The following BCAS1 variants were observed in gnomAD, a reference collection of about 807,000 sequenced individuals.
The protein encoded by BCAS1 is breast carcinoma-amplified sequence 1.
In BCAS1, 46 loss-of-function variants were observed where a neutral mutation model predicts 65.4. The ratio of observed to expected loss-of-function variants is 0.70; its 90% CI spans 0.55 to 0.90. BCAS1 has a LOEUF of 0.90. BCAS1 is among the 40% of genes least tolerant of loss of function. The pLI, the probability that BCAS1 is intolerant of heterozygous loss-of-function variation, is 0.00. For missense variants in BCAS1, 793 were observed against 771.2 expected (o/e 1.03, Z -0.33); for synonymous variants, 298 against 293.5 (o/e 1.02, Z -0.16).
intron 3 of BCAS1, among the ~76,000 whole-genome samples, chr20:54,042,082 G>C (rs1462577140): frequency 6.6e-6 from 1 of 151,936 alleles, no homozygotes; most frequent in Non-Finnish European, 1.5e-5. Flanking sequence ...ATTGCATAGG[G>C]GTACAAAGGC....
chr20:54,051,320 C>A (rs543168979), intron 3 of BCAS1, among the ~76,000 whole-genome samples: 13 of 152,110 alleles, frequency 8.5e-5, no homozygotes, highest in East Asian at 1.9e-4. Context: ...GATCTCTGTA[C>A]GCAACAGGAG....
chr20:54,025,646 A>T (rs1168159244), intron 4 of BCAS1, among the ~76,000 whole-genome samples: 1 of 152,144 alleles, frequency 6.6e-6, no homozygotes, highest in Non-Finnish European at 1.5e-5. Context: ...AGCCATAAAA[A>T]TGGGGGGAAG....
At chr20:54,021,215 GA>G (rs2146035430) in intron 4 of BCAS1, among the ~76,000 whole-genome samples, 1 of 152,074 alleles carries the variant, frequency 6.6e-6, no homozygotes, top group African/African-American at 2.4e-5. Flanking sequence ...TAAATTTTAG[GA>G]AACTCCTTTC....
At chr20:54,001,623 C>T (rs2091056230) in intron 4 of BCAS1, among the ~76,000 whole-genome samples, 1 of 152,126 alleles carries the variant, frequency 6.6e-6, no homozygotes, top group East Asian at 1.9e-4. Flanking sequence ...TCTCTGATGT[C>T]CTATGATTCT....
At chr20:54,050,942 T>A (rs1307562200) in intron 3 of BCAS1, among the ~76,000 whole-genome samples, 1 of 152,194 alleles carries the variant, frequency 6.6e-6, no homozygotes, top group Non-Finnish European at 1.5e-5. Context: ...AGAAACAAAC[T>A]AGAAAACAAC....
At chr20:54,050,884 T>G (rs1473730085) in intron 3 of BCAS1, among the ~76,000 whole-genome samples, 3 of 152,174 alleles carry the variant, frequency 2.0e-5, no homozygotes, top group African/African-American at 7.2e-5. Context: ...CAGAGCTTGG[T>G]TTTATGCTAA....
At chr20:54,066,636 G>GTC (rs2092447668) in intron 1 of BCAS1, among the ~76,000 whole-genome samples, 2 of 152,334 alleles carry the variant, frequency 1.3e-5, no homozygotes, top group Non-Finnish European at 2.9e-5. Flanking sequence ...AGCTCTCTCT[G>GTC]TCTCTCTCTC....
intron 12 of BCAS1, among the ~76,000 whole-genome samples, chr20:53,951,266 A>G (rs2145488708): frequency 6.6e-6 from 1 of 152,274 alleles, no homozygotes; most frequent in Non-Finnish European, 1.5e-5. Context: ...CGAGCTCGGG[A>G]GTTCGAGACC....
intron 3 of BCAS1, among the ~76,000 whole-genome samples, chr20:54,032,145 C>A (rs1233937135): frequency 6.6e-6 from 1 of 151,266 alleles, no homozygotes; most frequent in East Asian, 1.9e-4. Context: ...ACTGGTAACC[C>A]TACAAGCCAG....
intron 10 of BCAS1, among the ~76,000 whole-genome samples, chr20:53,962,524 G>C (rs974276854): frequency 6.6e-6 from 1 of 152,180 alleles, no homozygotes; most frequent in Non-Finnish European, 1.5e-5. Context: ...ACTGTATCTA[G>C]ATCTACCACC....
chr20:54,064,929 C>T (rs867472114), intron 1 of BCAS1, among the ~76,000 whole-genome samples: 35 of 152,038 alleles, frequency 2.3e-4, no homozygotes, highest in African/African-American at 7.5e-4. Context: ...TATGAGAAGC[C>T]GGAGCACAGA....
chr20:54,024,752 C>T (rs968767847), intron 4 of BCAS1, among the ~76,000 whole-genome samples: 13 of 152,036 alleles, frequency 8.6e-5, no homozygotes, highest in African/African-American at 2.2e-4. Flanking sequence ...GTCACTGTGT[C>T]GGATTCAACT....
chr20:54,070,220 C>A (rs1393781585), intron 1 of BCAS1, among the ~76,000 whole-genome samples: 1 of 152,198 alleles, frequency 6.6e-6, no homozygotes, highest in South Asian at 2.1e-4. Flanking sequence ...TCATTTGCTC[C>A]TTGTAAAACT....
chr20:53,948,415 C>T (rs1483243487), intron 12 of BCAS1, among the ~76,000 whole-genome samples: 1 of 152,176 alleles, frequency 6.6e-6, no homozygotes, highest in Non-Finnish European at 1.5e-5. Flanking sequence ...AAAAATTCTC[C>T]ACCTTTGTTA....
At chr20:53,998,774 A>G (rs1182217839) in intron 4 of BCAS1, among the ~76,000 whole-genome samples, 1 of 151,612 alleles carries the variant, frequency 6.6e-6, no homozygotes, top group Non-Finnish European at 1.5e-5. Flanking sequence ...CTTAATCTTA[A>G]TATATTATTA....
At chr20:54,056,187 C>T (rs1462822938) in intron 3 of BCAS1, among the ~76,000 whole-genome samples, 4 of 151,762 alleles carry the variant, frequency 2.6e-5, no homozygotes, top group African/African-American at 9.7e-5. Flanking sequence ...ACAACAAAAA[C>T]AAAAAAGTAG....
At chr20:54,013,992 T>C (rs2145977579) in intron 4 of BCAS1, among the ~76,000 whole-genome samples, 1 of 152,360 alleles carries the variant, frequency 6.6e-6, no homozygotes, top group South Asian at 2.1e-4. Flanking sequence ...AGTGAATATG[T>C]TACGTATTAA....
intron 4 of BCAS1, among the ~76,000 whole-genome samples, chr20:54,017,786 T>C (rs1294600001): frequency 6.6e-6 from 1 of 152,126 alleles, no homozygotes; most frequent in Non-Finnish European, 1.5e-5. Flanking sequence ...CAAAAGGGAT[T>C]TGTGGAAGAT....
At position 53,953,556 on chromosome 20, in the gene BCAS1, G is replaced by A; in HGVS notation, c.1691C>T (p.Ala564Val). The A allele has an allele frequency of 1.2e-6, 2 of 1,613,820 alleles. No homozygotes were observed. The highest frequency in any genetic ancestry group is 1.7e-6 in the Non-Finnish European group (2 of 1,179,966). ...MNKQKSNKQE[A>V]KEPAQCTEQA... ...CTCTGTGCACTGGGCTGGTTCTTTG[G>A]CTTCCTGCTTGTTGCTCTTCTGCTT... Residue 564 changes from alanine (A) to valine (V), a missense_variant, in exon 12 of 13, where the codon GCC becomes GTC. Transcript: ENST00000688948.
Sources: gnomAD v4.1 joint callset for allele counts (sites outside exome capture counted in the v4.1 genomes callset) on GRCh38, gnomAD v4.1.1 for gene constraint, MANE v1.5 for transcripts, NCBI Gene and HGNC (gene_info 2026-07-23, HGNC 2026-07-21) for gene names.